The following ZBTB20 variants were observed in gnomAD, a reference collection of about 807,000 sequenced individuals.
ZBTB20 encodes the protein zinc finger and BTB domain-containing protein 20.
A neutral mutation model predicts 56.9 loss-of-function variants in ZBTB20; 9 were observed. That is an observed-to-expected ratio of 0.16 (90% CI 0.10 to 0.28). The LOEUF (loss-of-function observed/expected upper bound fraction) is 0.28, where lower values mean the gene tolerates loss of function less well. Ranked by LOEUF, ZBTB20 falls within the 10% of genes least tolerant of loss-of-function variation. The pLI, the probability that ZBTB20 is intolerant of heterozygous loss-of-function variation, is 1.00. For synonymous variants in ZBTB20, 417 were observed against 420.7 expected (o/e 0.99, Z 0.11); for missense variants, 655 against 1,003.0 (o/e 0.65, Z 4.69).
At chr3:114,640,748 G>C (rs570186143) in intron 6 of ZBTB20, among the ~76,000 whole-genome samples, 47 of 152,082 alleles carry the variant, frequency 3.1e-4, no homozygotes, top group African/African-American at 1.1e-3. Flanking sequence ...GACTCTATTG[G>C]CCAACTTCTA....
intron 2 of ZBTB20, among the ~76,000 whole-genome samples, chr3:115,059,670 G>C (rs2081947039): frequency 6.6e-6 from 1 of 152,132 alleles, no homozygotes; most frequent in East Asian, 1.9e-4. Flanking sequence ...TATTCTACCT[G>C]CAAATTCTAC....
intron 5 of ZBTB20, among the ~76,000 whole-genome samples, chr3:114,726,295 A>G (rs2065273161): frequency 6.6e-6 from 1 of 152,180 alleles, no homozygotes; most frequent in South Asian, 2.1e-4. Flanking sequence ...GTTAAAAAAA[A>G]CAGTTTAGGA....
intron 6 of ZBTB20, among the ~76,000 whole-genome samples, chr3:114,640,138 T>C (rs1025412565): frequency 1.3e-5 from 2 of 152,036 alleles, no homozygotes; most frequent in African/African-American, 4.8e-5. Context: ...TTAATACTTA[T>C]CACTTAGACC....
chr3:114,459,431 T>G (rs1369276574), intron 7 of ZBTB20, among the ~76,000 whole-genome samples: 1 of 152,186 alleles, frequency 6.6e-6, no homozygotes, highest in Non-Finnish European at 1.5e-5. Flanking sequence ...CCCACCTGTT[T>G]GACCCCTGTA....
At chr3:114,512,763 T>G (rs1205338983) in intron 6 of ZBTB20, among the ~76,000 whole-genome samples, 4 of 152,166 alleles carry the variant, frequency 2.6e-5, no homozygotes, top group African/African-American at 9.7e-5. Context: ...GAAGCACCAT[T>G]TTTTTCCTTT....
intron 5 of ZBTB20, among the ~76,000 whole-genome samples, chr3:114,741,745 G>T (rs2066601696): frequency 6.6e-6 from 1 of 151,784 alleles, no homozygotes; most frequent in African/African-American, 2.4e-5. Flanking sequence ...AGCTGGGCAT[G>T]GTGGTGGGCA....
Position 114,338,836 on chromosome 3 carries a change from A to C in ZBTB20, c.*169T>G. 1 of 697,716 alleles carries C rather than the reference A, an allele frequency of 1.4e-6. No individual in the cohort carries two copies. The highest frequency in any genetic ancestry group is 2.2e-6 in the Non-Finnish European group (1 of 460,770). The allele number at this position is 697,716 out of a possible 1,614,324, so 43.2% of individuals were successfully genotyped here. A position where few individuals can be genotyped will look rare whatever the true frequency, so the allele number is the denominator to read the frequency against. On this transcript the variant is annotated 3_prime_UTR_variant, in exon 12 of 12. Transcript: ENST00000675478. ...GCCTCCGGAAATGTAATGTACCAGC[A>C]GGCAAAAAACAGTTCTTCATGTAGT...
At chr3:114,790,655 C>T (rs777188303) in intron 5 of ZBTB20, among the ~76,000 whole-genome samples, 12 of 150,850 alleles carry the variant, frequency 8.0e-5, no homozygotes, top group Non-Finnish European at 1.6e-4. Flanking sequence ...GGATGCTCAA[C>T]AAACACTGAA....
At chr3:114,465,858 G>A (rs542736238) in intron 7 of ZBTB20, among the ~76,000 whole-genome samples, 1 of 152,256 alleles carries the variant, frequency 6.6e-6, no homozygotes, top group Non-Finnish European at 1.5e-5. Flanking sequence ...GCAGAGCTGA[G>A]CTTTACCTCA....
intron 6 of ZBTB20, among the ~76,000 whole-genome samples, chr3:114,596,953 T>A (rs1003513325): frequency 6.6e-6 from 1 of 152,158 alleles, no homozygotes; most frequent in African/African-American, 2.4e-5. Flanking sequence ...GGGAGATACA[T>A]GTTACAGAAT....
At chr3:114,758,222 A>T (rs2068157404) in intron 5 of ZBTB20, among the ~76,000 whole-genome samples, 2 of 152,142 alleles carry the variant, frequency 1.3e-5, no homozygotes, top group Non-Finnish European at 2.9e-5. Context: ...TATATTTTAT[A>T]CATGGAATTA....
chr3:115,012,912 G>A (rs2079783256), intron 2 of ZBTB20, among the ~76,000 whole-genome samples: 1 of 151,668 alleles, frequency 6.6e-6, no homozygotes, highest in African/African-American at 2.4e-5. Flanking sequence ...ATACCAAGAG[G>A]AATTCTGGAA....
chr3:114,628,300 G>A (rs973591834), intron 6 of ZBTB20, among the ~76,000 whole-genome samples: 30 of 152,130 alleles, frequency 2.0e-4, no homozygotes, highest in African/African-American at 7.2e-4. Context: ...CCAAATAGAT[G>A]CTTTAAATTT....
intron 6 of ZBTB20, among the ~76,000 whole-genome samples, chr3:114,681,596 T>TA (rs1168721720): frequency 6.6e-6 from 1 of 152,252 alleles, no homozygotes; most frequent in Non-Finnish European, 1.5e-5. Flanking sequence ...CCAAAGCAGT[T>TA]AAAATCAATG....
rs1398443891 is a variant in ZBTB20, at chr3:114,376,336, C to G, written c.199+3881G>C. Among the ~76,000 whole-genome samples, 3 of 152,216 alleles carry G rather than the reference C, an allele frequency of 2.0e-5. No homozygotes were observed. In the East Asian group the frequency reaches 5.8e-4, roughly 29 times the overall value. ...ATGAAAGAATCTGCTGTGATGCCAGCACTCAAGGGGACAGTTTCTGTTGCT... is the reference window on the plus strand; with the variant it reads ...ATGAAAGAATCTGCTGTGATGCCAGGACTCAAGGGGACAGTTTCTGTTGCT... On this transcript the variant is annotated intron_variant, in intron 10 of 11. Transcript: ENST00000675478.
At chr3:115,109,876 C>T (rs962415371) in intron 1 of ZBTB20, among the ~76,000 whole-genome samples, 1 of 151,982 alleles carries the variant, frequency 6.6e-6, no homozygotes, top group Non-Finnish European at 1.5e-5. Context: ...CTTTCAAAAG[C>T]GATGAAAGAA....
chr3:114,652,381 A>C (rs1388583541), intron 6 of ZBTB20, among the ~76,000 whole-genome samples: 1 of 152,094 alleles, frequency 6.6e-6, no homozygotes, highest in Non-Finnish European at 1.5e-5. Context: ...CATTATATGA[A>C]TATACCACAA....
chr3:114,578,237 G>A (rs1179500385), intron 6 of ZBTB20, among the ~76,000 whole-genome samples: 1 of 151,880 alleles, frequency 6.6e-6, no homozygotes, highest in Non-Finnish European at 1.5e-5. Context: ...TGTATTGGAA[G>A]GTAATGTTAA....
At chr3:114,430,918 T>C (rs1420957287) in intron 7 of ZBTB20, among the ~76,000 whole-genome samples, 2 of 152,116 alleles carry the variant, frequency 1.3e-5, no homozygotes, top group African/African-American at 2.4e-5. Flanking sequence ...TTCTGTAAAG[T>C]GTGGAAAGGA....
Sources: gnomAD v4.1 joint callset for allele counts (sites outside exome capture counted in the v4.1 genomes callset) on GRCh38, gnomAD v4.1.1 for gene constraint, MANE v1.5 for transcripts, NCBI Gene and HGNC (gene_info 2026-07-23, HGNC 2026-07-21) for gene names.